Variants in DDX60 observed in about 807,000 individuals in gnomAD.
The protein encoded by DDX60 is DExD/H-box helicase 60, also known as probable ATP-dependent RNA helicase DDX60.
A neutral mutation model predicts 212.8 loss-of-function variants in DDX60; 165 were observed. That is an observed-to-expected ratio of 0.78 (90% CI 0.68 to 0.88). DDX60 has a LOEUF of 0.88. DDX60 is among the 40% of genes least tolerant of loss of function. The pLI is 0.00. For missense variants in DDX60, 1,905 were observed against 2,003.9 expected (o/e 0.95, Z 0.94); for synonymous variants, 703 against 685.3 (o/e 1.03, Z -0.40).
rs368497048 is a variant in DDX60, at chr4:168,288,158, T to C, written c.1183+16A>G. ...TCTGTGGATGGAAGTATGATTATAA[T>C]ATACTGAGATGGTACCTTTTACATT... On this transcript the variant is annotated intron_variant, in intron 9 of 37. Coordinates refer to ENST00000393743, the MANE Select transcript of DDX60 (RefSeq NM_017631.6). 19 of 1,409,648 alleles carry C rather than the reference T, an allele frequency of 1.3e-5. No individual in the cohort carries two copies. Among genetic ancestry groups the C allele is most frequent in the Non-Finnish European group, 1.8e-5 (19 of 1,041,744 alleles). The allele number at this position is 1,409,648 out of a possible 1,614,324, so 87.3% of individuals were successfully genotyped here. A position where few individuals can be genotyped will look rare whatever the true frequency, so the allele number is the denominator to read the frequency against.
intron 1 of DDX60, among the ~76,000 whole-genome samples, chr4:168,316,923 T>C (rs893070013): frequency 1.3e-5 from 2 of 151,784 alleles, no homozygotes; most frequent in Admixed American, 1.3e-4. Context: ...CTGGGCATGG[T>C]GACAGTCACC....
rs768314712 is a variant in DDX60 at position 168,293,890 on chromosome 4, C to T, written c.779G>A (p.Arg260Gln). ...GCATGAAGTAACACAAAAGACACGC[C>T]GAATGTCAGATCCTTCTGGCCAGAC... Reference protein sequence around the residue: ...TQVWPEGSDIRRVFCVTSCSL... With the variant: ...TQVWPEGSDIQRVFCVTSCSL... Residue 260 changes from arginine to glutamine, a missense_variant, in exon 7 of 38, where the codon CGG (arginine) becomes CAG (glutamine). Transcript: ENST00000393743. 5.6e-6 allele frequency: 9 copies of T among 1,613,740 alleles called. No individual in the cohort carries two copies. The highest frequency in any genetic ancestry group is 5.0e-5 in the Admixed American group (3 of 59,946).
rs1733063784 is a variant in DDX60, at chr4:168,221,882, C to A, written c.4825-1G>T. 6.2e-7 allele frequency: 1 copy of A among 1,606,034 alleles called. No individual in the cohort carries two copies. Among genetic ancestry groups the A allele is most frequent in the Non-Finnish European group, 8.5e-7 (1 of 1,175,130 alleles). On this transcript the variant is annotated splice_acceptor_variant, in intron 35 of 37. Transcript: ENST00000393743. LOFTEE classifies it high-confidence loss of function. ...TGACACCGATTGTGCCTAGAGTAAC[C>A]TGAAAAAATACGATTATTCTTAATG...
chr4:168,302,595 A>G (rs1736693215), intron 5 of DDX60, among the ~76,000 whole-genome samples, 179 bp from the exon 6 acceptor site: 1 of 152,224 alleles, frequency 6.6e-6, no homozygotes, highest in African/African-American at 2.4e-5. Flanking sequence ...TGTCTTTGAA[A>G]GTTAATTTTT....
chr4:168,237,527 A>G, intron 31 of DDX60, 100 bp from the exon 32 acceptor site: 1 of 1,253,240 alleles, frequency 8.0e-7, no homozygotes, highest in South Asian at 1.8e-5. Context: ...CCAATATAAG[A>G]AATATTTATA....
chr4:168,272,235 T>G, intron 18 of DDX60, 97 bp from the exon 19 acceptor site: 1 of 904,706 alleles, frequency 1.1e-6, no homozygotes. Flanking sequence ...GAGTCCTGAA[T>G]GTACCTGCTG....
chr4:168,276,843 G>C (rs1052768418), intron 14 of DDX60, among the ~76,000 whole-genome samples: 4 of 152,186 alleles, frequency 2.6e-5, no homozygotes, highest in African/African-American at 9.7e-5. Flanking sequence ...ATGTAATACA[G>C]TTCATACTGA....
In DDX60 at chr4:168,311,080, A is replaced by G; in HGVS notation, c.5-13T>C. 1 of 1,514,326 alleles carries G rather than the reference A, an allele frequency of 6.6e-7. No homozygotes were observed. Among genetic ancestry groups the G allele is most frequent in the South Asian group, 1.2e-5 (1 of 85,382 alleles). The allele number at this position is 1,514,326 out of a possible 1,614,324, so 93.8% of individuals were successfully genotyped here. A position where few individuals can be genotyped will look rare whatever the true frequency, so the allele number is the denominator to read the frequency against. On this transcript the variant is annotated splice_polypyrimidine_tract_variant and intron_variant, in intron 2 of 37. Transcript: ENST00000393743. ...AGAACATTTCTTTCTAAATTTAAAA[A>G]AAAAGAGAGAAAGAGAATGGGTTAT...
chr4:168,238,235 C>CAA (rs1560819130), intron 30 of DDX60, among the ~76,000 whole-genome samples: 1 of 56,422 alleles, frequency 1.8e-5, no homozygotes, highest in African/African-American at 8.3e-5. Context: ...CTATGAAATT[C>CAA]CAAAAAAAAA....
intron 6 of DDX60, among the ~76,000 whole-genome samples, chr4:168,298,005 T>A (rs544330666): frequency 6.6e-6 from 1 of 151,772 alleles, no homozygotes; most frequent in East Asian, 1.9e-4. Context: ...TGAGTGCTAA[T>A]GGATACTGAG....
In DDX60 at chr4:168,301,783, T is replaced by C. The variant is rs867592146; in HGVS notation, c.723+517A>G. On this transcript the variant is annotated intron_variant, in intron 6 of 37. Transcript: ENST00000393743. ...TAGTCACAAAGCATGTCCTTCAAGA[T>C]TTATTAACTACAAAGGGAAGATAGT... is the stretch of plus-strand genomic sequence containing the variant. Among the ~76,000 whole-genome samples the C allele has an allele frequency of 1.2e-4, 19 of 152,284 alleles. No individual in the cohort carries two copies. In the South Asian group the frequency reaches 3.9e-3, roughly 32 times the overall value.
intron 14 of DDX60, among the ~76,000 whole-genome samples, chr4:168,277,763 A>C (rs1190681261): frequency 6.8e-6 from 1 of 147,916 alleles, no homozygotes; most frequent in Non-Finnish European, 1.5e-5. Context: ...GAGCCGAGAT[A>C]GTGCCACTGC....
At chr4:168,224,132 T>A (rs1381369008) in intron 35 of DDX60, 111 bp downstream of exon 35, 1 of 1,177,476 alleles carries the variant, frequency 8.5e-7, no homozygotes, top group Non-Finnish European at 1.2e-6. Flanking sequence ...CACCCAGATT[T>A]TTTTTTTCCT....
intron 35 of DDX60, among the ~76,000 whole-genome samples, chr4:168,222,246 C>T (rs1733087489): frequency 6.6e-6 from 1 of 152,208 alleles, no homozygotes; most frequent in South Asian, 2.1e-4. Context: ...GATTATACAT[C>T]ACAAGAAAGG....
At chr4:168,252,681 T>G (rs200055193) in intron 26 of DDX60, 25 bp from the exon 27 acceptor site, 2 of 1,548,798 alleles carry the variant, frequency 1.3e-6, no homozygotes, top group African/African-American at 2.8e-5. Flanking sequence ...AAAATTTTAA[T>G]TAATGAAATT....
chr4:168,251,046 A>G lies in DDX60; in HGVS notation c.3766T>C (p.Leu1256=), dbSNP rs1242294149. The G allele has an allele frequency of 6.2e-7, 1 of 1,613,650 alleles. No homozygotes were observed. Among genetic ancestry groups the G allele is most frequent in the South Asian group, 1.1e-5 (1 of 91,022 alleles). Residue 1256 remains leucine, a synonymous_variant, in exon 28 of 38, where the codon TTG becomes CTG. Coordinates refer to ENST00000393743, the MANE Select transcript of DDX60 (RefSeq NM_017631.6). ...FERKGEELKA[L]AERGIGYHHS... The stretch of plus-strand genomic sequence containing the variant: ...TGATATCCAATACCCCTTTCTGCCA[A>G]GGCTTTCAATTCTTCACCTTTTCTT...
intron 26 of DDX60, 60 bp from the exon 27 acceptor site, chr4:168,252,716 T>C: frequency 9.1e-6 from 13 of 1,423,982 alleles, no homozygotes; most frequent in Non-Finnish European, 1.2e-5. Flanking sequence ...AAGTAATTAA[T>C]TTGATTTGGC....
intron 33 of DDX60, among the ~76,000 whole-genome samples, chr4:168,229,504 C>A (rs1578972992): frequency 6.6e-6 from 1 of 151,838 alleles, no homozygotes; most frequent in Admixed American, 6.6e-5. Context: ...CTGGACAGAA[C>A]CTGGGGCAGG....
At chr4:168,264,288 T>C (rs1734745910) in intron 22 of DDX60, among the ~76,000 whole-genome samples, 1 of 152,222 alleles carries the variant, frequency 6.6e-6, no homozygotes, top group Non-Finnish European at 1.5e-5. Context: ...CCTTTAAAAC[T>C]ATAGAACGTA....
Sources: allele counts gnomAD v4.1 joint callset (sites outside exome capture counted in the v4.1 genomes callset), GRCh38; gene constraint gnomAD v4.1.1; transcripts MANE v1.5; gene names NCBI Gene and HGNC (gene_info 2026-07-23, HGNC 2026-07-21).